The following LOC400499 variants were observed in gnomAD, a reference collection of about 807,000 sequenced individuals.
the LOC400499 span, among the ~76,000 whole-genome samples, chr16:11,466,022 G>C: frequency 6.6e-6 from 1 of 152,216 alleles, no homozygotes; most frequent in Admixed American, 6.5e-5. Context: ...ATTTGTAAGA[G>C]CAGAAACCTG....
At chr16:11,490,301 C>A in the LOC400499 span, among the ~76,000 whole-genome samples, 3 of 148,840 alleles carry the variant, frequency 2.0e-5, no homozygotes, top group Non-Finnish European at 2.9e-5. Context: ...GAGGCTGAGT[C>A]AGGGGAATTG....
chr16:11,420,631 G>C, the LOC400499 span, among the ~76,000 whole-genome samples: 2 of 112,164 alleles, frequency 1.8e-5, no homozygotes, highest in Non-Finnish European at 3.4e-5. Context: ...CAAACTTTCA[G>C]TGAAATCTCC....
the LOC400499 span, among the ~76,000 whole-genome samples, chr16:11,516,994 T>C: frequency 0.066 from 10,042 of 152,168 alleles, 1,111 homozygotes; most frequent in African/African-American, 0.23. Flanking sequence ...AAACAGCAAA[T>C]ACGGGGAGAG....
At chr16:11,485,202 C>T in the LOC400499 span, 2 of 397,380 alleles carry the variant, frequency 5.0e-6, no homozygotes, top group Admixed American at 4.4e-5. Flanking sequence ...CCCTGGTGCC[C>T]ACCTGGGCTG....
the LOC400499 span, among the ~76,000 whole-genome samples, chr16:11,427,565 C>T: frequency 6.6e-6 from 1 of 152,084 alleles, no homozygotes; most frequent in Non-Finnish European, 1.5e-5. Flanking sequence ...CCACCCCAGC[C>T]TCCATGTAGC....
At chr16:11,496,613 A>C in the LOC400499 span, among the ~76,000 whole-genome samples, 2 of 151,956 alleles carry the variant, frequency 1.3e-5, no homozygotes, top group Non-Finnish European at 2.9e-5. Flanking sequence ...ACGTGTCCCC[A>C]TGTGGGCATC....
the LOC400499 span, among the ~76,000 whole-genome samples, chr16:11,519,219 A>G: frequency 6.6e-6 from 1 of 152,184 alleles, no homozygotes; most frequent in Admixed American, 6.5e-5. Flanking sequence ...GCCCAAAAAG[A>G]CGCTGGAAGT....
chr16:11,524,670 G>A, the LOC400499 span, among the ~76,000 whole-genome samples: 677 of 152,118 alleles, frequency 4.5e-3, 3 homozygotes, highest in South Asian at 0.024. Flanking sequence ...GTGGCCCCTC[G>A]GCCCCCAGCT....
chr16:11,419,257 G>A, the LOC400499 span, among the ~76,000 whole-genome samples: 48 of 151,996 alleles, frequency 3.2e-4, no homozygotes, highest in African/African-American at 1.1e-3. Context: ...CAGAGATATA[G>A]ATCAATGGAA....
At chr16:11,457,200 C>G in the LOC400499 span, 11 of 627,740 alleles carry the variant, frequency 1.8e-5, no homozygotes, top group African/African-American at 1.9e-4. Flanking sequence ...AAACAAGGAG[C>G]GTTGGTAAGG....
At chr16:11,455,995 C>T in the LOC400499 span, among the ~76,000 whole-genome samples, 88 of 150,044 alleles carry the variant, frequency 5.9e-4, no homozygotes, top group African/African-American at 1.4e-3. Context: ...GGTATCGCTT[C>T]GATAAAAATA....
the LOC400499 span, among the ~76,000 whole-genome samples, chr16:11,510,856 C>T: frequency 4.0e-5 from 6 of 151,724 alleles, 1 homozygote; most frequent in African/African-American, 9.7e-5. Context: ...GCCATCTGAG[C>T]CCAGCGCGGA....
At chr16:11,414,975 G>A in the LOC400499 span, among the ~76,000 whole-genome samples, 1 of 152,234 alleles carries the variant, frequency 6.6e-6, no homozygotes, top group African/African-American at 2.4e-5. Flanking sequence ...CCTTAGGACA[G>A]CTCCTGACAT....
chr16:11,523,364 G>C, the LOC400499 span: 1 of 398,664 alleles, frequency 2.5e-6, no homozygotes. Flanking sequence ...CCCTGTACTG[G>C]GCTCAGGCTC....
the LOC400499 span, chr16:11,457,223 C>G: frequency 3.4e-6 from 2 of 588,456 alleles, no homozygotes; most frequent in African/African-American, 1.9e-5. Flanking sequence ...GTGGAGAAAT[C>G]TGAATTCTCA....
the LOC400499 span, chr16:11,475,813 T>C: frequency 2.5e-6 from 1 of 392,884 alleles, no homozygotes; most frequent in Non-Finnish European, 4.5e-6. Context: ...AGGGGCAAAT[T>C]CTACCCTGAG....
chr16:11,391,234 G>C, the LOC400499 span, among the ~76,000 whole-genome samples: 5 of 152,226 alleles, frequency 3.3e-5, no homozygotes, highest in African/African-American at 1.2e-4. Flanking sequence ...GGATGGCGGA[G>C]AGGCCAGAGG....
chr16:11,445,734 G>A, the LOC400499 span, among the ~76,000 whole-genome samples: 3 of 152,232 alleles, frequency 2.0e-5, no homozygotes, highest in African/African-American at 7.2e-5. Context: ...AGAGCATGCG[G>A]GTGGCAGGGT....
chr16:11,461,129 C>G, the LOC400499 span: 5 of 1,530,396 alleles, frequency 3.3e-6, no homozygotes, highest in East Asian at 9.8e-5. Flanking sequence ...GCTGCAGGGA[C>G]AGAGAGCAGG....
Sources: gnomAD v4.1 joint callset for allele counts (sites outside exome capture counted in the v4.1 genomes callset) on GRCh38, gnomAD v4.1.1 for gene constraint, MANE v1.5 for transcripts.